Variants in ALMS1 observed in about 807,000 individuals in gnomAD.
ALMS1 encodes ALMS1 centrosome and basal body associated protein.
ALMS1 carries 271 observed loss-of-function variants against 352.2 expected under a neutral mutation model. That is an observed-to-expected ratio of 0.77 (90% CI 0.70 to 0.85). The LOEUF is 0.85. Among genes scored for constraint, ALMS1 ranks in the 40% least tolerant of loss-of-function variants. ALMS1 has a pLI of 0.00. For synonymous variants in ALMS1, 1,865 were observed against 1,761.2 expected, an observed-to-expected ratio of 1.06 and a Z score of -1.48; for missense variants, 5,445 against 4,870.7, an observed-to-expected ratio of 1.12 and a Z score of -3.51.
intron 9 of ALMS1, among the ~76,000 whole-genome samples, chr2:73,487,661 C>G (rs1364599779): frequency 2.6e-5 from 4 of 152,200 alleles, no homozygotes; most frequent in Admixed American, 2.0e-4. Context: ...TTGGTGGATC[C>G]TGAGCTCTTG....
chr2:73,492,888 C>T (rs1316292122), intron 10 of ALMS1, among the ~76,000 whole-genome samples: 1 of 151,804 alleles, frequency 6.6e-6, no homozygotes, highest in Non-Finnish European at 1.5e-5. Flanking sequence ...CAGGCGTGCA[C>T]CACCATGCCT....
chr2:73,395,244 T>C (rs1373783070), intron 1 of ALMS1, among the ~76,000 whole-genome samples: 1 of 151,474 alleles, frequency 6.6e-6, no homozygotes, highest in African/African-American at 2.4e-5. Flanking sequence ...CATGCCTGGC[T>C]AATTTTTGTA....
rs777251736 is a variant in ALMS1 at position 73,573,131 on chromosome 2, A to G, written c.11254A>G (p.Asn3752Asp). 5 of 1,614,062 alleles carry G rather than the reference A, an allele frequency of 3.1e-6. No homozygotes were observed. The highest frequency in any genetic ancestry group is 4.2e-6 in the Non-Finnish European group (5 of 1,180,002). The change falls in exon 16 of 23, where the codon AAC becomes GAC. Residue 3752 changes from asparagine to aspartate, a missense_variant. Asn to Asp is a conservative substitution (Grantham distance 23). Coordinates refer to ENST00000613296, the MANE Select transcript of ALMS1 (RefSeq NM_001378454.1). ...TGAGCTGCTCACAGATACTACCACCAACATCCTTTCCGGCACCACTTCTAC... is the reference window on the plus strand; with the variant it reads ...TGAGCTGCTCACAGATACTACCACCGACATCCTTTCCGGCACCACTTCTAC... ...ESELLTDTTT[N>D]ILSGTTSTVE...
chr2:73,426,524 A>C lies in ALMS1; in HGVS notation c.1309A>C (p.Ser437Arg). ...CCTAAATGAAAATGCTGTTGTATGC[A>C]GTGAAAGAGTTGCTGAACTACAAAG... is the stretch of plus-strand genomic sequence containing the variant. Reference protein sequence around the residue: ...DGLNENAVVCSERVAELQRKP... With the variant: ...DGLNENAVVCRERVAELQRKP... The change falls in exon 6 of 23, where the codon AGT becomes CGT. Residue 437 changes from serine to arginine, a missense_variant. Transcript: ENST00000613296. 1 of 1,614,152 alleles carries C rather than the reference A, an allele frequency of 6.2e-7. No homozygotes were observed. The highest frequency in any genetic ancestry group is 8.5e-7 in the Non-Finnish European group (1 of 1,179,966).
chr2:73,465,711 A>G (rs897940722), intron 9 of ALMS1, among the ~76,000 whole-genome samples: 2 of 151,356 alleles, frequency 1.3e-5, no homozygotes, highest in East Asian at 1.9e-4. Flanking sequence ...AACCTACAAA[A>G]TGGGAGAAAA....
At chr2:73,599,264 A>G (rs1269425566) in intron 16 of ALMS1, 137 bp from the exon 17 acceptor site, 1 of 1,113,100 alleles carries the variant, frequency 9.0e-7, no homozygotes, top group African/African-American at 1.5e-5. Context: ...GCAAGTTCAC[A>G]GTATCTCAAG....
At chr2:73,489,556 A>G (rs555857574) in intron 9 of ALMS1, 78 bp from the exon 10 acceptor site, 2 of 1,544,538 alleles carry the variant, frequency 1.3e-6, no homozygotes, top group African/African-American at 1.4e-5. Flanking sequence ...TGGGTATAAA[A>G]CTGATTTGTA....
chr2:73,574,086 C>T (rs1436769233), intron 16 of ALMS1, among the ~76,000 whole-genome samples: 8 of 152,138 alleles, frequency 5.3e-5, no homozygotes, highest in African/African-American at 1.7e-4. Flanking sequence ...CAATAACATT[C>T]ACTTTTTAAT....
At chr2:73,471,178 T>G (rs1162801677) in intron 9 of ALMS1, 3 of 151,706 alleles carry the variant, frequency 2.0e-5, no homozygotes, top group Non-Finnish European at 4.4e-5. Flanking sequence ...TTTTGTCCTC[T>G]CTTGCTGTCT....
chr2:73,490,907 A>G lies in ALMS1; in HGVS notation c.8948A>G (p.His2983Arg). ...APGVDDQMNK[H>R]HFPLPQGQDC... ...GGTGTAGATGACCAAATGAATAAAC[A>G]CCATTTTCCCCTTCCTCAAGGTCAG... The change falls in exon 10 of 23, where the codon CAC (histidine) becomes CGC (arginine). Residue 2983 changes from histidine (H) to arginine (R), a missense_variant. His to Arg is a conservative substitution (Grantham distance 29). Transcript: ENST00000613296. The G allele has an allele frequency of 6.2e-7, 1 of 1,613,966 alleles. No homozygotes were observed. Among genetic ancestry groups the G allele is most frequent in the Non-Finnish European group, 8.5e-7 (1 of 1,179,956 alleles).
At chr2:73,426,816 T>C (rs1199925779) in intron 6 of ALMS1, among the ~76,000 whole-genome samples, 2 of 152,202 alleles carry the variant, frequency 1.3e-5, no homozygotes, top group East Asian at 1.9e-4. Flanking sequence ...TGTAAGTTTT[T>C]CTATTTGACA....
chr2:73,480,851 T>C lies in ALMS1; in HGVS notation c.7675-8783T>C, dbSNP rs200279098. On this transcript the variant is annotated intron_variant, in intron 9 of 22. Coordinates refer to ENST00000613296, the MANE Select transcript of ALMS1 (RefSeq NM_001378454.1). Reference sequence around the variant, plus strand: ...GTGATGATGAGCATTTTTTCATGTGTTTTTTGTCTGCATAAATGTCTTCTT... The same window carrying C: ...GTGATGATGAGCATTTTTTCATGTGCTTTTTGTCTGCATAAATGTCTTCTT... Among the ~76,000 whole-genome samples, 3 of 151,352 alleles carry C rather than the reference T, an allele frequency of 2.0e-5. No individual in the cohort carries two copies. In the East Asian group the frequency reaches 5.8e-4, roughly 29 times the overall value.
intron 10 of ALMS1, among the ~76,000 whole-genome samples, chr2:73,512,545 C>G (rs1673474637): frequency 6.6e-6 from 1 of 152,068 alleles, no homozygotes; most frequent in Admixed American, 6.5e-5. Context: ...TGCTCATTTT[C>G]TAATTGCATT....
Position 73,450,294 on chromosome 2 carries a change from A to T in ALMS1, c.3767A>T (p.Asn1256Ile), listed in dbSNP as rs746710172. 1 of 1,602,452 alleles carries T rather than the reference A, an allele frequency of 6.2e-7. No individual in the cohort carries two copies. The highest frequency in any genetic ancestry group is 8.5e-7 in the Non-Finnish European group (1 of 1,175,566). ...TTCTACCAACAGGTCTTGCCAGATA[A>T]TCATCCAACTGAAGAGGCTCTGAAA... ...GIFYQQVLPD[N>I]HPTEEALKIS... is the part of the protein sequence containing the mutation. Residue 1256 changes from asparagine to isoleucine, a missense_variant, in exon 8 of 23, where the codon AAT (asparagine) becomes ATT (isoleucine). Transcript: ENST00000613296.
rs756623131 is a variant in ALMS1, at chr2:73,557,278, A to G, written c.10137A>G (p.Gln3379=). The change falls in exon 14 of 23, where the codon CAA becomes CAG. Residue 3379 remains glutamine (Q), a synonymous_variant. Coordinates refer to ENST00000613296, the MANE Select transcript of ALMS1 (RefSeq NM_001378454.1). ...AGAACCTCTCAGACAAAAAACAGCA[A>G]GAGATTCACAGTACAAGGGCAGTGA... is the stretch of plus-strand genomic sequence containing the variant. ...GDENLSDKKQ[Q]EIHSTRAVTE... 62 of 1,613,780 alleles carry G rather than the reference A, an allele frequency of 3.8e-5. No individual in the cohort carries two copies. The highest frequency in any genetic ancestry group is 5.2e-5 in the Non-Finnish European group (61 of 1,179,786).
chr2:73,601,283 G>C lies in ALMS1; in HGVS notation c.11961G>C (p.Trp3987Cys). The change falls in exon 19 of 23, where the codon TGG becomes TGC. Residue 3987 changes from tryptophan to cysteine, a missense_variant. Transcript: ENST00000613296. ...ACACTTGTGGCCCTGGCATCTCCTG[G>C]TTTGAACCAATAACCAAGACCAGAC... ...VPNTCGPGIS[W>C]FEPITKTRPW... is the part of the protein sequence containing the mutation. The C allele has an allele frequency of 6.2e-7, 1 of 1,614,220 alleles. No homozygotes were observed. Among genetic ancestry groups the C allele is most frequent in the Non-Finnish European group, 8.5e-7 (1 of 1,180,040 alleles).
chr2:73,591,947 T>C (rs1675443585), intron 16 of ALMS1, among the ~76,000 whole-genome samples: 1 of 152,248 alleles, frequency 6.6e-6, no homozygotes, highest in East Asian at 1.9e-4. Context: ...ATTCATTTTC[T>C]TTCTGTCCAA....
At chr2:73,609,457 T>C in intron 22 of ALMS1, 111 bp from the exon 23 acceptor site, 5 of 1,022,504 alleles carry the variant, frequency 4.9e-6, no homozygotes, top group Non-Finnish European at 7.7e-6. Flanking sequence ...GAACAAGATT[T>C]GAATAGGACC....
rs772749355 is a variant in ALMS1 at position 73,557,334 on chromosome 2, C to G, written c.10193C>G (p.Ser3398Cys). The G allele has an allele frequency of 1.2e-6, 2 of 1,614,084 alleles. No individual in the cohort carries two copies. Among genetic ancestry groups the G allele is most frequent in the Non-Finnish European group, 8.5e-7 (1 of 1,179,970 alleles). The change falls in exon 14 of 23, where the codon TCT becomes TGT. Residue 3398 changes from serine to cysteine, a missense_variant. Physicochemically the swap from Ser to Cys is moderately radical, Grantham distance 112. Transcript: ENST00000613296. ...TEAAQAKEKE[S>C]LQKDTADSSA... ...GCTGCCCAGGCTAAAGAAAAAGAAT[C>G]TTTGCAGAAAGATACTGCAGGTAGC...
Sources: gnomAD v4.1 joint callset for allele counts (sites outside exome capture counted in the v4.1 genomes callset) on GRCh38, gnomAD v4.1.1 for gene constraint, MANE v1.5 for transcripts, NCBI Gene and HGNC (gene_info 2026-07-23, HGNC 2026-07-21) for gene names.